CACNA1C: variants seen among roughly 807,000 people sequenced by gnomAD.
CACNA1C encodes calcium voltage-gated channel subunit alpha1 C.
A neutral mutation model predicts 229.0 loss-of-function variants in CACNA1C; 30 were observed. The observed-to-expected ratio is 0.13, with a 90% CI of 0.10 to 0.18. The LOEUF is 0.18. CACNA1C is among the 10% of genes least tolerant of loss of function. The pLI is 1.00. For missense variants in CACNA1C, 1,658 were observed against 2,845.0 expected (o/e 0.58, Z 9.49); for synonymous variants, 1,114 against 1,132.5 (o/e 0.98, Z 0.33).
chr12:2,219,563 A>G (rs1456844949), intron 3 of CACNA1C, among the ~76,000 whole-genome samples: 1 of 152,186 alleles, frequency 6.6e-6, no homozygotes, highest in Non-Finnish European at 1.5e-5. Flanking sequence ...TTCGGGCTGT[A>G]AGTAGAAAAG....
intron 3 of CACNA1C, among the ~76,000 whole-genome samples, chr12:2,260,632 A>G (rs1366505120): frequency 6.6e-6 from 1 of 152,182 alleles, no homozygotes; most frequent in African/African-American, 2.4e-5. Context: ...TCGGGGTAGC[A>G]TCATGGTTGA....
At chr12:2,688,332 G>A (rs1248471979) in intron 45 of CACNA1C, 115 bp from the exon 46 acceptor site, 2 of 894,750 alleles carry the variant, frequency 2.2e-6, no homozygotes, top group East Asian at 2.5e-5. Context: ...GGAATACCAG[G>A]CAGGTGGAGC....
chr12:2,099,224 A>C (rs2283280), intron 1 of CACNA1C, among the ~76,000 whole-genome samples: 15,028 of 152,230 alleles, frequency 0.099, 1,151 homozygotes, highest in East Asian at 0.32. Flanking sequence ...AAAGGAAAGG[A>C]TCTTGCCCAT....
At chr12:2,003,037 C>A (rs561778811) in intron 1 of CACNA1C, among the ~76,000 whole-genome samples, 2 of 152,194 alleles carry the variant, frequency 1.3e-5, no homozygotes, top group East Asian at 3.8e-4. Context: ...TCTTCCTGTT[C>A]TCCTTTTGTG....
At chr12:2,206,524 A>T (rs1401663361) in intron 3 of CACNA1C, among the ~76,000 whole-genome samples, 1 of 152,200 alleles carries the variant, frequency 6.6e-6, no homozygotes, top group Non-Finnish European at 1.5e-5. Context: ...TATCTGCAAA[A>T]TGGGGCTAGT....
intron 8 of CACNA1C, among the ~76,000 whole-genome samples, chr12:2,506,317 A>G (rs921091947): frequency 6.6e-6 from 1 of 152,200 alleles, no homozygotes; most frequent in Non-Finnish European, 1.5e-5. Context: ...CTCTAAGGAA[A>G]AGATTGAAAA....
intron 13 of CACNA1C, among the ~76,000 whole-genome samples, chr12:2,572,708 C>CCTT (rs1446279589): frequency 1.6e-5 from 2 of 128,966 alleles, no homozygotes; most frequent in Non-Finnish European, 3.2e-5. Flanking sequence ...TCCTCTTCCT[C>CCTT]CTCCTCTTCC....
Position 2,651,625 on chromosome 12 carries a change from G to C in CACNA1C, c.3946-15G>C, listed in dbSNP as rs765079147. On this transcript the variant is annotated splice_polypyrimidine_tract_variant and intron_variant, in intron 31 of 46. Transcript: ENST00000399655. This position sits in a 1 kb window ranked among gnomAD's most constrained non-coding sequence, Gnocchi z 5.4. ...TGCTGTGCTAACTGCACCTCCTGTTGCCGACGGGTTCCAGAACGCAGAGGA... is the reference window on the plus strand; with the variant it reads ...TGCTGTGCTAACTGCACCTCCTGTTCCCGACGGGTTCCAGAACGCAGAGGA... The C allele has an allele frequency of 6.8e-6, 11 of 1,613,904 alleles. No individual in the cohort carries two copies. The South Asian group carries it at 1.1e-4, about 16-fold the overall frequency.
At chr12:2,119,133 T>C (rs1409341165) in intron 2 of CACNA1C, among the ~76,000 whole-genome samples, 2 of 152,250 alleles carry the variant, frequency 1.3e-5, no homozygotes, top group Non-Finnish European at 2.9e-5. Context: ...ATTAACTTGC[T>C]GTGGGGCCTT....
chr12:2,176,047 G>T (rs868144559), intron 3 of CACNA1C, among the ~76,000 whole-genome samples: 12 of 152,170 alleles, frequency 7.9e-5, no homozygotes, highest in Non-Finnish European at 1.5e-4. Context: ...TATATATTTA[G>T]TTCAGGGATG....
At position 2,646,195 on chromosome 12, in the gene CACNA1C, AC is replaced by A. The variant is rs1293390648; in HGVS notation, c.3913-2279del. On this transcript the variant is annotated intron_variant, in intron 30 of 46. Transcript: ENST00000399655. This position sits in a 1 kb window ranked among gnomAD's most constrained non-coding sequence, Gnocchi z 4.6. ...GCTATAAAATGCAACAAGAAAAAAG[AC>A]AGTTAAGACAAATGTTTAAAAATCC... is the stretch of plus-strand genomic sequence containing the variant. Among the ~76,000 whole-genome samples, 16 of 152,268 alleles carry A rather than the reference AC, an allele frequency of 1.1e-4. No homozygotes were observed. Among genetic ancestry groups the A allele is most frequent in the African/African-American group, 3.6e-4 (15 of 41,468 alleles).
At chr12:2,019,614 AAGAAAAAG>A (rs2046076322) in intron 1 of CACNA1C, among the ~76,000 whole-genome samples, 1 of 91,976 alleles carries the variant, frequency 1.1e-5, no homozygotes, top group African/African-American at 3.7e-5. Context: ...AGAAAGAAGA[AAGAAAAAG>A]AAAGAAAGAA....
chr12:1,973,804 G>A (rs573581874), intron 1 of CACNA1C, among the ~76,000 whole-genome samples: 1 of 152,072 alleles, frequency 6.6e-6, no homozygotes, highest in Non-Finnish European at 1.5e-5. Context: ...TGCTTTGTTG[G>A]CCACTTAAAT....
chr12:2,035,052 C>A (rs1227818815), intron 1 of CACNA1C, among the ~76,000 whole-genome samples: 2 of 152,228 alleles, frequency 1.3e-5, no homozygotes, highest in Non-Finnish European at 2.9e-5. Context: ...ACAGCCCCGT[C>A]GTCCACCTCA....
At position 2,632,518 on chromosome 12, in the gene CACNA1C, A is replaced by G. The variant is rs755790082; in HGVS notation, c.3829-1779A>G. Among the ~76,000 whole-genome samples, 1 of 152,206 alleles carries G rather than the reference A, an allele frequency of 6.6e-6. No individual in the cohort carries two copies. The highest frequency in any genetic ancestry group is 1.5e-5 in the Non-Finnish European group (1 of 68,038). On this transcript the variant is annotated intron_variant, in intron 29 of 46. Transcript: ENST00000399655. This position sits in a 1 kb window ranked among gnomAD's most constrained non-coding sequence, Gnocchi z 4.1. ...CTTGGTTGACCTGTTGTCCAAGTAC[A>G]TGAAAAAAGTCTTTTAAGAACATTC...
At chr12:2,111,368 G>A (rs1376719715) in intron 1 of CACNA1C, among the ~76,000 whole-genome samples, 1 of 152,198 alleles carries the variant, frequency 6.6e-6, no homozygotes, top group Non-Finnish European at 1.5e-5. Context: ...TGCTCCGGGT[G>A]CAGGGATGCT....
chr12:2,644,656 G>C (rs1486826560), intron 30 of CACNA1C, among the ~76,000 whole-genome samples: 4 of 152,096 alleles, frequency 2.6e-5, no homozygotes, highest in Non-Finnish European at 5.9e-5. Context: ...CATTCCCTGA[G>C]TATCGCCCCT....
chr12:2,051,882 C>T (rs2052311698), upstream of CACNA1C, among the ~76,000 whole-genome samples: 2 of 152,196 alleles, frequency 1.3e-5, no homozygotes, highest in Non-Finnish European at 2.9e-5. Context: ...TGGAGATAGA[C>T]ATTTGATATA....
chr12:2,029,431 C>T lies in CACNA1C; in HGVS notation c.139+58230C>T, dbSNP rs947909707. ...CCATTAAGAAGACACTCCCTATTCC[C>T]GCCTCACCCAGGGCCCTGGCAGCCA... On this transcript the variant is annotated intron_variant, in intron 1 of 46. Transcript: ENST00000682462. The surrounding 1 kb of genome is among the most constrained non-coding windows in gnomAD (Gnocchi z 4.9). Among the ~76,000 whole-genome samples, 11 of 152,264 alleles carry T rather than the reference C, an allele frequency of 7.2e-5. No homozygotes were observed. Among genetic ancestry groups the T allele is most frequent in the East Asian group, 3.9e-4 (2 of 5,186 alleles).
Sources: allele counts gnomAD v4.1 joint callset (sites outside exome capture counted in the v4.1 genomes callset), GRCh38; gene constraint gnomAD v4.1.1; non-coding constraint Gnocchi (gnomAD v3.1); transcripts MANE v1.5; gene names NCBI Gene and HGNC (gene_info 2026-07-23, HGNC 2026-07-21).